Variants in OR51B5 observed in about 807,000 individuals in gnomAD.
OR51B5 encodes the protein olfactory receptor family 51 subfamily B member 5.
For missense variants in OR51B5, 456 were observed against 374.6 expected (o/e 1.22, Z -1.79); for synonymous variants, 186 against 144.8 (o/e 1.28, Z -2.04).
chr11:5,343,281 C>T (rs1266862353), exon 1 of OR51B5: 3 of 1,612,268 alleles, frequency 1.9e-6, no homozygotes, highest in Non-Finnish European at 2.5e-6. Flanking sequence ...AGCCAGAGGA[C>T]TCCCAGCACC....
At chr11:5,375,985 C>T (rs1849521363) in intron 1 of OR51B5, among the ~76,000 whole-genome samples, 1 of 151,730 alleles carries the variant, frequency 6.6e-6, no homozygotes, top group Non-Finnish European at 1.5e-5. Flanking sequence ...CAGAACTCTC[C>T]ACCCCAAATC....
At chr11:5,357,448 C>A (rs11036981) in intron 1 of OR51B5, among the ~76,000 whole-genome samples, 55,557 of 149,708 alleles carry the variant, frequency 0.37, 10,595 homozygotes, top group Non-Finnish European at 0.4. Flanking sequence ...TATATGCACC[C>A]AATACAGGAA....
At chr11:5,459,366 G>C (rs565336115) in intron 1 of OR51B5, among the ~76,000 whole-genome samples, 1 of 152,198 alleles carries the variant, frequency 6.6e-6, no homozygotes, top group Admixed American at 6.5e-5. Flanking sequence ...CTAGCATTTT[G>C]TTGAGGATTT....
At chr11:5,473,720 AAT>A (rs1851263869) in intron 1 of OR51B5, among the ~76,000 whole-genome samples, 1 of 152,154 alleles carries the variant, frequency 6.6e-6, no homozygotes, top group East Asian at 1.9e-4. Flanking sequence ...ATTCTTTATA[AAT>A]ATATGTGTGT....
chr11:5,461,684 C>T (rs1564821307), intron 1 of OR51B5, among the ~76,000 whole-genome samples: 1 of 152,166 alleles, frequency 6.6e-6, no homozygotes, highest in Non-Finnish European at 1.5e-5. Flanking sequence ...GGCAGTTCTC[C>T]CTGCCAATTA....
At chr11:5,388,917 A>G (rs559879068) in intron 1 of OR51B5, among the ~76,000 whole-genome samples, 1 of 152,322 alleles carries the variant, frequency 6.6e-6, no homozygotes, top group South Asian at 2.1e-4. Context: ...GATATGGAGA[A>G]GTCTAACATA....
At chr11:5,485,150 T>C (rs1851481342) in intron 1 of OR51B5, among the ~76,000 whole-genome samples, 1 of 152,078 alleles carries the variant, frequency 6.6e-6, no homozygotes, top group African/African-American at 2.4e-5. Flanking sequence ...GGTAGATCTC[T>C]GCTGTTCTCC....
chr11:5,475,793 C>A (rs1053930064), intron 1 of OR51B5, among the ~76,000 whole-genome samples: 1 of 152,120 alleles, frequency 6.6e-6, no homozygotes, highest in Non-Finnish European at 1.5e-5. Flanking sequence ...TTGCCATAAC[C>A]AAAACCATCA....
intron 1 of OR51B5, among the ~76,000 whole-genome samples, chr11:5,433,839 G>GA (rs112585133): frequency 0.079 from 11,470 of 145,772 alleles, 510 homozygotes; most frequent in African/African-American, 0.11. Context: ...ATCTAAAAAT[G>GA]AAAAAAAAAA....
intron 1 of OR51B5, chr11:5,431,376 G>C (rs945300195): frequency 7.9e-6 from 2 of 254,050 alleles, no homozygotes; most frequent in African/African-American, 4.4e-5. Flanking sequence ...TGTAGACACA[G>C]AGACGCCCAC....
At chr11:5,420,125 A>G (rs7935108) in intron 1 of OR51B5, among the ~76,000 whole-genome samples, 63,209 of 151,614 alleles carry the variant, frequency 0.42, 13,963 homozygotes, top group Non-Finnish European at 0.5. Flanking sequence ...ATAAAAGTCT[A>G]TTTTCATTAA....
chr11:5,477,219 C>A (rs531372067), intron 1 of OR51B5, among the ~76,000 whole-genome samples: 3 of 152,074 alleles, frequency 2.0e-5, no homozygotes, highest in Non-Finnish European at 4.4e-5. Context: ...TCTTGGGGGC[C>A]CCATGAGTAG....
intron 1 of OR51B5, among the ~76,000 whole-genome samples, chr11:5,381,931 G>A (rs1167016985): frequency 6.6e-6 from 1 of 152,222 alleles, no homozygotes; most frequent in Non-Finnish European, 1.5e-5. Flanking sequence ...CCACTAAACA[G>A]TATTGTTTAT....
chr11:5,445,961 T>C (rs993034594), intron 1 of OR51B5, among the ~76,000 whole-genome samples: 5 of 152,026 alleles, frequency 3.3e-5, no homozygotes, highest in Admixed American at 6.6e-5. Context: ...TGTAGGGACA[T>C]GGATGAAGCT....
chr11:5,464,581 C>G (rs1264181089), intron 1 of OR51B5, among the ~76,000 whole-genome samples: 5 of 151,836 alleles, frequency 3.3e-5, no homozygotes, highest in Non-Finnish European at 7.4e-5. Flanking sequence ...ATGATGATTT[C>G]CAATTTCATC....
intron 1 of OR51B5, among the ~76,000 whole-genome samples, chr11:5,353,721 C>A (rs1356460759): frequency 2.0e-5 from 3 of 152,158 alleles, no homozygotes; most frequent in African/African-American, 2.4e-5. Flanking sequence ...ACACAAGGGG[C>A]CACCCAGTGA....
intron 1 of OR51B5, among the ~76,000 whole-genome samples, chr11:5,485,604 C>A (rs984877086): frequency 6.6e-6 from 1 of 152,148 alleles, no homozygotes. Flanking sequence ...GCTCCTTGCA[C>A]CCCCACTTCT....
intron 1 of OR51B5, among the ~76,000 whole-genome samples, chr11:5,450,170 C>G (rs1027095803): frequency 2.6e-5 from 4 of 152,080 alleles, no homozygotes; most frequent in Non-Finnish European, 5.9e-5. Context: ...GGTCAGATCA[C>G]CTGAGGTCAG....
At chr11:5,389,748 A>C in intron 1 of OR51B5, 1 of 1,613,216 alleles carries the variant, frequency 6.2e-7, no homozygotes, top group Non-Finnish European at 8.5e-7. Flanking sequence ...TTCTGCATCC[A>C]CTCTTTTTCC....
Sources: gnomAD v4.1 joint callset for allele counts (sites outside exome capture counted in the v4.1 genomes callset) on GRCh38, gnomAD v4.1.1 for gene constraint, MANE v1.5 for transcripts, NCBI Gene and HGNC (gene_info 2026-07-23, HGNC 2026-07-21) for gene names.